Variants in SHANK2 observed in about 807,000 individuals in gnomAD.
SHANK2 encodes the protein SH3 and multiple ankyrin repeat domains protein 2.
Under a neutral mutation model 133.7 loss-of-function variants are expected in SHANK2, and 43 were observed. The observed-to-expected ratio is 0.32, with a 90% confidence interval of 0.25 to 0.41. The LOEUF (loss-of-function observed/expected upper bound fraction) is 0.41. Ranked by LOEUF, SHANK2 falls within the 10% of genes least tolerant of loss-of-function variation. SHANK2 has a pLI of 1.00. For synonymous variants in SHANK2, 1,017 were observed against 952.8 expected (o/e 1.07, Z -1.24); for missense variants, 1,994 against 2,235.8 (o/e 0.89, Z 2.18).
intron 15 of SHANK2, among the ~76,000 whole-genome samples, chr11:70,681,385 C>A (rs1555018353): frequency 6.6e-6 from 1 of 152,178 alleles, no homozygotes. Flanking sequence ...TCAGCGGTAA[C>A]CTTCTCTGGC....
chr11:70,845,815 G>T (rs1478680547), intron 11 of SHANK2, among the ~76,000 whole-genome samples: 1 of 152,230 alleles, frequency 6.6e-6, no homozygotes, highest in Non-Finnish European at 1.5e-5. Context: ...CAAGTTGTTT[G>T]CAGCAGAGGC....
intron 14 of SHANK2, among the ~76,000 whole-genome samples, chr11:70,731,421 C>G (rs972540048): frequency 1.3e-5 from 2 of 152,238 alleles, no homozygotes; most frequent in Admixed American, 1.3e-4. Context: ...CCTTCTCCCC[C>G]ATCTCCTGGC....
At chr11:71,098,815 G>A (rs782156115) in intron 6 of SHANK2, among the ~76,000 whole-genome samples, 21 of 151,934 alleles carry the variant, frequency 1.4e-4, no homozygotes, top group Non-Finnish European at 2.7e-4. Flanking sequence ...AGGGGGTGAT[G>A]CGTAGCCCGC....
chr11:70,656,183 A>C (rs1038976955), intron 17 of SHANK2, among the ~76,000 whole-genome samples: 9 of 152,268 alleles, frequency 5.9e-5, no homozygotes, highest in Admixed American at 5.9e-4. Flanking sequence ...GGCCATCTCA[A>C]AGAGACAGCA....
intron 14 of SHANK2, among the ~76,000 whole-genome samples, chr11:70,728,481 C>A (rs531216122): frequency 6.6e-6 from 1 of 152,214 alleles, no homozygotes; most frequent in African/African-American, 2.4e-5. Flanking sequence ...GCGTCCTGGG[C>A]GGAAGCAAAG....
intron 14 of SHANK2, among the ~76,000 whole-genome samples, chr11:70,746,040 T>C (rs1328279235): frequency 3.3e-5 from 5 of 152,182 alleles, no homozygotes; most frequent in African/African-American, 1.2e-4. Flanking sequence ...GGGGCTTTCA[T>C]GGGAGTTACT....
At chr11:70,480,754 AGCCTC>A (rs1423545617) in intron 25 of SHANK2, among the ~76,000 whole-genome samples, 3 of 152,176 alleles carry the variant, frequency 2.0e-5, no homozygotes, top group Non-Finnish European at 4.4e-5. Context: ...GTTACTCTCT[AGCCTC>A]AGCCTGGCAC....
At chr11:70,670,153 G>A (rs560972487) in intron 15 of SHANK2, among the ~76,000 whole-genome samples, 27 of 152,330 alleles carry the variant, frequency 1.8e-4, no homozygotes, top group African/African-American at 6.3e-4. Context: ...AGCAGCTGGA[G>A]CCAGGAGATC....
chr11:71,172,597 C>CAAAAAAAAAA (rs10623588), intron 2 of SHANK2, among the ~76,000 whole-genome samples: 1 of 107,204 alleles, frequency 9.3e-6, no homozygotes, highest in South Asian at 3.3e-4. Context: ...GACTCTGTCT[C>CAAAAAAAAAA]AAAAAAAAAA....
chr11:70,628,507 G>T (rs539347291), intron 17 of SHANK2, among the ~76,000 whole-genome samples: 1 of 152,114 alleles, frequency 6.6e-6, no homozygotes. Context: ...TTTTCCCCGG[G>T]GCCTCCTTCA....
chr11:70,476,579 G>GTAAGT (rs1475232225), intron 25 of SHANK2, among the ~76,000 whole-genome samples: 2 of 152,200 alleles, frequency 1.3e-5, no homozygotes, highest in African/African-American at 4.8e-5. Flanking sequence ...CAAATAATGG[G>GTAAGT]TAAGTTGAAA....
intron 17 of SHANK2, among the ~76,000 whole-genome samples, chr11:70,523,541 A>C (rs1339293264): frequency 1.3e-5 from 2 of 152,018 alleles, no homozygotes; most frequent in Non-Finnish European, 2.9e-5. Context: ...GCTGGGGAGG[A>C]TCCCCGGTGC....
At chr11:70,937,362 G>A (rs1415154988) in intron 10 of SHANK2, among the ~76,000 whole-genome samples, 1 of 152,342 alleles carries the variant, frequency 6.6e-6, no homozygotes, top group East Asian at 1.9e-4. Context: ...TGCCTTCAGT[G>A]ATCACTGCTG....
At chr11:71,066,581 C>T (rs1185406520) in intron 9 of SHANK2, among the ~76,000 whole-genome samples, 3 of 152,126 alleles carry the variant, frequency 2.0e-5, no homozygotes, top group African/African-American at 7.2e-5. Context: ...GCTCCAGGCC[C>T]CGTCAAGCCA....
At chr11:70,524,311 G>T (rs555854429) in intron 17 of SHANK2, among the ~76,000 whole-genome samples, 2 of 152,338 alleles carry the variant, frequency 1.3e-5, no homozygotes, top group East Asian at 1.9e-4. Context: ...ATCCACGCTC[G>T]CCTTACCAGC....
intron 10 of SHANK2, among the ~76,000 whole-genome samples, chr11:70,925,256 A>G (rs1459111403): frequency 1.3e-5 from 2 of 152,226 alleles, no homozygotes; most frequent in Non-Finnish European, 2.9e-5. Context: ...TGGAATAAAT[A>G]TTTCAACGAT....
chr11:71,087,774 G>A (rs1433194308), intron 8 of SHANK2, among the ~76,000 whole-genome samples: 5 of 152,080 alleles, frequency 3.3e-5, no homozygotes, highest in Non-Finnish European at 5.9e-5. Flanking sequence ...AATTACAGGC[G>A]TGGTACCTCC....
intron 17 of SHANK2, among the ~76,000 whole-genome samples, chr11:70,649,783 C>G (rs531582437): frequency 7.9e-5 from 12 of 152,322 alleles, no homozygotes; most frequent in African/African-American, 2.6e-4. Context: ...GCTGGGTGTA[C>G]AGCATCCACA....
intron 14 of SHANK2, among the ~76,000 whole-genome samples, chr11:70,720,737 G>A (rs116815856): frequency 4.6e-4 from 70 of 151,644 alleles, no homozygotes; most frequent in South Asian, 6.2e-4. Flanking sequence ...ACGTGAACAC[G>A]CATGTGAACA....
Sources: allele counts gnomAD v4.1 joint callset (sites outside exome capture counted in the v4.1 genomes callset), GRCh38; gene constraint gnomAD v4.1.1; transcripts MANE v1.5; gene names NCBI Gene and HGNC (gene_info 2026-07-23, HGNC 2026-07-21).